Variants in EFHC1 observed in about 807,000 individuals in gnomAD.
EFHC1 encodes EF-hand domain containing 1, also known as EF-hand domain-containing protein 1.
Under a neutral mutation model 69.9 loss-of-function variants are expected in EFHC1, and 53 were observed. The observed-to-expected ratio is 0.76, with a 90% CI of 0.61 to 0.95. The LOEUF (loss-of-function observed/expected upper bound fraction) is 0.95. Ranked by LOEUF, EFHC1 falls within the 40% of genes least tolerant of loss-of-function variation. The pLI is 0.00. For missense variants in EFHC1, 739 were observed against 798.7 expected (o/e 0.93, Z 0.90); for synonymous variants, 256 against 278.4 (o/e 0.92, Z 0.80).
chr6:52,468,428 A>T (rs1329548582), intron 6 of EFHC1: 1 of 152,266 alleles, frequency 6.6e-6, no homozygotes, highest in Non-Finnish European at 1.5e-5. Context: ...TCTTTATTCC[A>T]GGCAGGGGAA....
intron 7 of EFHC1, among the ~76,000 whole-genome samples, chr6:52,471,434 A>G (rs1349840021): frequency 6.6e-6 from 1 of 152,242 alleles, no homozygotes; most frequent in Non-Finnish European, 1.5e-5. Flanking sequence ...CAATTTTAAA[A>G]ATACAATGTG....
rs115485316 is a variant in EFHC1, at chr6:52,422,661, A to T, written c.64-1285A>T. ...TGTATATATTTGAATATTATAGATA[A>T]GTAATTGTGAAAGTATCCTCACAAC... On this transcript the variant is annotated intron_variant, in intron 1 of 10. Coordinates refer to ENST00000371068, the MANE Select transcript of EFHC1 (RefSeq NM_018100.4). 5.5e-3 allele frequency among the ~76,000 whole-genome samples: 835 copies of T among 152,318 alleles called. 8 individuals carry two copies. The highest frequency in any genetic ancestry group is 0.019 in the African/African-American group (788 of 41,582).
chr6:52,474,365 G>T (rs1158038459), intron 7 of EFHC1, among the ~76,000 whole-genome samples: 1 of 152,168 alleles, frequency 6.6e-6, no homozygotes, highest in African/African-American at 2.4e-5. Flanking sequence ...CTAAAGAAGT[G>T]CAGATTACAA....
intron 6 of EFHC1, chr6:52,468,787 A>G (rs1374770233): frequency 1.2e-5 from 2 of 160,444 alleles, no homozygotes. Context: ...TGCTAAATCC[A>G]CTAGTCATAT....
In EFHC1 at chr6:52,452,734, T is replaced by C. The variant is rs760975037; in HGVS notation, c.620T>C (p.Met207Thr). ...QGIELNPPEKMALDPYTELRK... is the reference protein window; with the variant it reads ...QGIELNPPEKTALDPYTELRK... ...ATTGAGTTAAATCCACCAGAGAAGA[T>C]GGCTCTTGATCCTTACACTGAACTC... The change falls in exon 4 of 11, where the codon ATG (methionine) becomes ACG (threonine). Residue 207 changes from methionine to threonine, a missense_variant. Physicochemically the swap from Met to Thr is moderately conservative, Grantham distance 81. Coordinates refer to ENST00000371068, the MANE Select transcript of EFHC1 (RefSeq NM_018100.4). 1 of 1,614,228 alleles carries C rather than the reference T, an allele frequency of 6.2e-7. No individual in the cohort carries two copies. The highest frequency in any genetic ancestry group is 8.5e-7 in the Non-Finnish European group (1 of 1,180,032).
Position 52,420,493 on chromosome 6 carries a change from A to ACTCC in EFHC1, c.63+22_63+25dup, listed in dbSNP as rs768760341. On this transcript the variant is annotated intron_variant, in intron 1 of 10. Coordinates refer to ENST00000371068, the MANE Select transcript of EFHC1 (RefSeq NM_018100.4). Reference sequence around the variant, plus strand: ...TCTACGGTGAGCAGTTATCTGCCAGACTCCCACCTGTCCCCACCTTCCAGC... The same window carrying ACTCC: ...TCTACGGTGAGCAGTTATCTGCCAGACTCCCTCCCACCTGTCCCCACCTTCCAGC... 4 of 1,613,168 alleles carry ACTCC rather than the reference A, an allele frequency of 2.5e-6. No homozygotes were observed. In the African/African-American group the frequency reaches 4.0e-5, roughly 16 times the overall value.
At chr6:52,449,618 G>A (rs954136200) in intron 3 of EFHC1, among the ~76,000 whole-genome samples, 14 of 152,318 alleles carry the variant, frequency 9.2e-5, no homozygotes, top group African/African-American at 3.4e-4. Context: ...GCATACAAGT[G>A]TTCATAATAT....
chr6:52,457,309 A>G (rs1765065350), intron 5 of EFHC1, among the ~76,000 whole-genome samples: 1 of 152,246 alleles, frequency 6.6e-6, no homozygotes, highest in African/African-American at 2.4e-5. Context: ...TGTGGGCCTG[A>G]AAAACTAAAG....
intron 3 of EFHC1, among the ~76,000 whole-genome samples, chr6:52,439,836 C>T (rs975039360): frequency 6.6e-5 from 10 of 152,068 alleles, no homozygotes; most frequent in Non-Finnish European, 1.3e-4. Context: ...GATATTCTCC[C>T]GTTCCAACAT....
At chr6:52,466,123 C>T (rs1428164927) in intron 6 of EFHC1, among the ~76,000 whole-genome samples, 1 of 151,988 alleles carries the variant, frequency 6.6e-6, no homozygotes, top group East Asian at 1.9e-4. Context: ...TACATGCATT[C>T]ATACAATTAA....
Position 52,424,158 on chromosome 6 carries a change from T to A in EFHC1, c.276T>A (p.Phe92Leu). 2 of 1,613,916 alleles carry A rather than the reference T, an allele frequency of 1.2e-6. No homozygotes were observed. Among genetic ancestry groups the A allele is most frequent in the Non-Finnish European group, 1.7e-6 (2 of 1,179,860 alleles). ...ATTTTATTCCTGCGCATGTGGCCTT[T>A]GACAAAAAGGTATCATCTGGAATTT... The part of the protein sequence containing the change: ...PADFIPAHVA[F>L]DKKVLKFDAY... Residue 92 changes from phenylalanine (F) to leucine (L), a missense_variant, in exon 2 of 11, where the codon TTT becomes TTA. Physicochemically the swap from Phe to Leu is conservative, Grantham distance 22. Transcript: ENST00000371068.
intron 1 of EFHC1, chr6:52,420,996 G>A: frequency 9.8e-7 from 1 of 1,023,330 alleles, no homozygotes; most frequent in South Asian, 3.6e-5. Context: ...CCTGTACCCG[G>A]TAGTATCTCC....
intron 5 of EFHC1, among the ~76,000 whole-genome samples, chr6:52,456,020 G>A (rs1249490883): frequency 6.6e-6 from 1 of 152,156 alleles, no homozygotes; most frequent in African/African-American, 2.4e-5. Context: ...CATAGTACAC[G>A]TAGGACACAT....
intron 2 of EFHC1, among the ~76,000 whole-genome samples, chr6:52,425,368 A>G (rs1315642882): frequency 6.6e-6 from 1 of 152,218 alleles, no homozygotes; most frequent in Non-Finnish European, 1.5e-5. Flanking sequence ...AATAATTACC[A>G]AGATATGAAT....
At chr6:52,465,675 T>A (rs1191442543) in intron 6 of EFHC1, among the ~76,000 whole-genome samples, 3 of 151,390 alleles carry the variant, frequency 2.0e-5, no homozygotes, top group Non-Finnish European at 4.4e-5. Context: ...AGTGTAGTGG[T>A]GCGCACCTGT....
intron 7 of EFHC1, among the ~76,000 whole-genome samples, chr6:52,470,494 G>C (rs1381692374): frequency 6.6e-6 from 1 of 152,160 alleles, no homozygotes; most frequent in Non-Finnish European, 1.5e-5. Flanking sequence ...TCGTTCAGTA[G>C]GCAAAAGAAT....
At chr6:52,431,371 C>T (rs1366208249) in intron 2 of EFHC1, among the ~76,000 whole-genome samples, 2 of 152,072 alleles carry the variant, frequency 1.3e-5, no homozygotes, top group Non-Finnish European at 2.9e-5. Flanking sequence ...ACTGCCTTTG[C>T]TGTATCCCAG....
At chr6:52,422,803 A>G (rs1006963788) in intron 1 of EFHC1, among the ~76,000 whole-genome samples, 5 of 152,192 alleles carry the variant, frequency 3.3e-5, no homozygotes, top group Admixed American at 2.6e-4. Flanking sequence ...AATGTATAAT[A>G]CAGAGGACCA....
At chr6:52,474,488 C>G (rs1765504175) in intron 7 of EFHC1, among the ~76,000 whole-genome samples, 1 of 152,090 alleles carries the variant, frequency 6.6e-6, no homozygotes, top group South Asian at 2.1e-4. Context: ...CTTTGTAAAA[C>G]AGTTTGGCAT....
Sources: gnomAD v4.1 joint callset for allele counts (sites outside exome capture counted in the v4.1 genomes callset) on GRCh38, gnomAD v4.1.1 for gene constraint, MANE v1.5 for transcripts, NCBI Gene and HGNC (gene_info 2026-07-23, HGNC 2026-07-21) for gene names.